SCRN3: variants seen among roughly 807,000 people sequenced by gnomAD.
The protein encoded by SCRN3 is secernin-3.
Under a neutral mutation model 43.1 loss-of-function variants are expected in SCRN3, and 39 were observed. The observed-to-expected ratio is 0.91, with a 90% CI of 0.70 to 1.18. The LOEUF is 1.18. SCRN3 is among the 50% of genes most tolerant of loss of function. SCRN3 has a pLI of 0.00. For missense variants in SCRN3, 484 were observed against 498.0 expected, an observed-to-expected ratio of 0.97 and a Z score of 0.27; for synonymous variants, 147 against 163.1, an observed-to-expected ratio of 0.90 and a Z score of 0.75.
chr2:174,417,712 G>C (rs1225992796), intron 5 of SCRN3, among the ~76,000 whole-genome samples: 1 of 152,126 alleles, frequency 6.6e-6, no homozygotes, highest in African/African-American at 2.4e-5. Flanking sequence ...TATTCTCTAA[G>C]CAACCATGTG....
At chr2:174,422,313 C>G (rs944056732) in intron 5 of SCRN3, among the ~76,000 whole-genome samples, 2 of 152,148 alleles carry the variant, frequency 1.3e-5, no homozygotes, top group Non-Finnish European at 2.9e-5. Context: ...TGGCTCACAC[C>G]TGTAATCCCA....
At chr2:174,422,224 G>T (rs1686315611) in intron 5 of SCRN3, among the ~76,000 whole-genome samples, 2 of 152,192 alleles carry the variant, frequency 1.3e-5, no homozygotes, top group Admixed American at 6.6e-5. Context: ...CCAGGCATTG[G>T]AGACCAGCCT....
intron 5 of SCRN3, among the ~76,000 whole-genome samples, chr2:174,412,860 CTTTTTT>C (rs71024803): frequency 1.6e-5 from 1 of 61,910 alleles, no homozygotes; most frequent in Non-Finnish European, 2.8e-5. Flanking sequence ...CCATATAGTG[CTTTTTT>C]TTTTTTTTTT....
intron 5 of SCRN3, among the ~76,000 whole-genome samples, chr2:174,409,179 A>T (rs1685808324): frequency 8.0e-6 from 1 of 124,578 alleles, no homozygotes; most frequent in Non-Finnish European, 1.8e-5. Context: ...TTTTTCTCTA[A>T]ACTTCCCTTC....
intron 3 of SCRN3, 46 bp from the exon 4 acceptor site, chr2:174,400,942 AAT>A: frequency 3.6e-6 from 5 of 1,406,062 alleles, no homozygotes; most frequent in Non-Finnish European, 4.8e-6. Context: ...ATTTAAAAAA[AAT>A]AATGGAAATT....
At chr2:174,426,735 G>A (rs62173637) in intron 7 of SCRN3, among the ~76,000 whole-genome samples, 36,247 of 151,712 alleles carry the variant, frequency 0.24, 5,793 homozygotes, top group East Asian at 0.7. Flanking sequence ...CTGTGCTATT[G>A]CACTTTAGCC....
intron 5 of SCRN3, among the ~76,000 whole-genome samples, chr2:174,417,965 C>T (rs1175293264): frequency 6.6e-6 from 1 of 152,064 alleles, no homozygotes; most frequent in African/African-American, 2.4e-5. Flanking sequence ...TAGTAATAAA[C>T]TTAAAGGCTC....
intron 4 of SCRN3, among the ~76,000 whole-genome samples, chr2:174,401,531 T>C (rs559683823): frequency 6.6e-4 from 101 of 152,292 alleles, no homozygotes; most frequent in African/African-American, 1.4e-3. Context: ...CAAAATCTTA[T>C]GTGTAAGTGT....
intron 6 of SCRN3, among the ~76,000 whole-genome samples, chr2:174,424,008 C>G (rs555522614): frequency 1.3e-5 from 2 of 151,884 alleles, no homozygotes; most frequent in African/African-American, 4.8e-5. Context: ...CAAGGCTATT[C>G]TTGAACTCCT....
chr2:174,397,912 A>G (rs1403145454), intron 1 of SCRN3, among the ~76,000 whole-genome samples: 1 of 152,222 alleles, frequency 6.6e-6, no homozygotes, highest in Non-Finnish European at 1.5e-5. Context: ...GTAGTACCAG[A>G]TTGAGTCCCA....
At chr2:174,427,301 C>T (rs942860805) in intron 7 of SCRN3, among the ~76,000 whole-genome samples, 2 of 151,998 alleles carry the variant, frequency 1.3e-5, no homozygotes, top group African/African-American at 4.8e-5. Context: ...TGATTTTTTC[C>T]TGAACATTAT....
chr2:174,426,554 C>T (rs1686489794), intron 7 of SCRN3, among the ~76,000 whole-genome samples: 1 of 152,034 alleles, frequency 6.6e-6, no homozygotes, highest in South Asian at 2.1e-4. Context: ...GGTAGATCAA[C>T]TTAGGTCAGG....
At chr2:174,410,577 A>AT (rs1476025401) in intron 5 of SCRN3, 4 of 152,134 alleles carry the variant, frequency 2.6e-5, no homozygotes, top group Non-Finnish European at 5.9e-5. Flanking sequence ...GCTCAGATGC[A>AT]TTTTTTCAGT....
intron 5 of SCRN3, among the ~76,000 whole-genome samples, chr2:174,414,218 GC>G (rs1261751255): frequency 6.6e-6 from 1 of 152,078 alleles, no homozygotes; most frequent in East Asian, 1.9e-4. Context: ...TCCTTCCCAT[GC>G]CATTTAATAT....
intron 5 of SCRN3, among the ~76,000 whole-genome samples, chr2:174,419,854 A>G (rs1050136093): frequency 6.6e-6 from 1 of 152,224 alleles, no homozygotes; most frequent in Non-Finnish European, 1.5e-5. Flanking sequence ...GTGGTTAAAA[A>G]GCACAGGGCT....
intron 1 of SCRN3, chr2:174,396,066 A>G (rs1025064827): frequency 8.3e-7 from 1 of 1,210,244 alleles, no homozygotes; most frequent in Non-Finnish European, 1.1e-6. Flanking sequence ...TGTTTTTCTC[A>G]TCTATGTTAT....
intron 2 of SCRN3, among the ~76,000 whole-genome samples, chr2:174,398,989 A>C (rs1331027428): frequency 2.6e-5 from 4 of 152,334 alleles, no homozygotes; most frequent in Admixed American, 2.6e-4. Context: ...ACACATCAAA[A>C]AAGGTTTATT....
At position 174,395,832 on chromosome 2, in the gene SCRN3, CG is replaced by C; in HGVS notation, c.-10+20del. Reference sequence around the variant, plus strand: ...TGGGAGGCCAGGTGAGGGGCGCGCACGGGGGAGGGGCGTGCATAGTTGAGAC... The same window carrying C: ...TGGGAGGCCAGGTGAGGGGCGCGCACGGGGAGGGGCGTGCATAGTTGAGAC... On this transcript the variant is annotated intron_variant, in intron 1 of 7. Transcript: ENST00000272732. The C allele has an allele frequency of 6.6e-7, 1 of 1,512,864 alleles. No individual in the cohort carries two copies. The allele number at this position is 1,512,864 out of a possible 1,614,324, so 93.7% of individuals were successfully genotyped here.
At chr2:174,421,826 ATAG>A (rs1484265180) in intron 5 of SCRN3, among the ~76,000 whole-genome samples, 3 of 152,216 alleles carry the variant, frequency 2.0e-5, no homozygotes, top group Admixed American at 1.3e-4. Flanking sequence ...GTGCATTAGA[ATAG>A]CACAAAAGAT....
Sources: allele counts gnomAD v4.1 joint callset (sites outside exome capture counted in the v4.1 genomes callset), GRCh38; gene constraint gnomAD v4.1.1; transcripts MANE v1.5; gene names NCBI Gene and HGNC (gene_info 2026-07-23, HGNC 2026-07-21).